Variants in MDFIC observed in about 807,000 individuals in gnomAD.
MDFIC encodes MyoD family inhibitor domain containing, also known as myoD family inhibitor domain-containing protein.
Under a neutral mutation model 23.2 loss-of-function variants are expected in MDFIC, and 17 were observed. That is an observed-to-expected ratio of 0.73 (90% CI 0.50 to 1.10). The LOEUF is 1.10. MDFIC is among the 50% of genes least tolerant of loss of function. The pLI is 0.00. For missense variants in MDFIC, 356 were observed against 316.6 expected, an observed-to-expected ratio of 1.12 and a Z score of -0.95; for synonymous variants, 120 against 115.2, an observed-to-expected ratio of 1.04 and a Z score of -0.27.
chr7:115,003,280 C>T (rs1360551563), intron 4 of MDFIC, among the ~76,000 whole-genome samples: 3 of 152,178 alleles, frequency 2.0e-5, no homozygotes, highest in Non-Finnish European at 4.4e-5. Flanking sequence ...ATGACAGTTT[C>T]AGCCACCTTT....
chr7:114,956,891 C>G (rs1792894714), intron 3 of MDFIC, among the ~76,000 whole-genome samples: 1 of 152,154 alleles, frequency 6.6e-6, no homozygotes, highest in Non-Finnish European at 1.5e-5. Flanking sequence ...AAAGTGGTTT[C>G]TTACAGTTAT....
At chr7:114,928,313 A>G (rs1019869167) in intron 2 of MDFIC, among the ~76,000 whole-genome samples, 1 of 152,180 alleles carries the variant, frequency 6.6e-6, no homozygotes, top group Non-Finnish European at 1.5e-5. Context: ...CTGTGAAAAA[A>G]AAAAGGTCTA....
intron 2 of MDFIC, among the ~76,000 whole-genome samples, chr7:114,924,470 A>T (rs1244778664): frequency 2.0e-5 from 3 of 152,204 alleles, no homozygotes; most frequent in African/African-American, 4.8e-5. Context: ...AATAGTTTGC[A>T]TTTCTAAAAT....
chr7:114,963,949 C>T (rs1793042678), intron 3 of MDFIC, among the ~76,000 whole-genome samples: 1 of 152,116 alleles, frequency 6.6e-6, no homozygotes, highest in South Asian at 2.1e-4. Context: ...GTGTCTGGTA[C>T]TTTCTAGATA....
intron 4 of MDFIC, among the ~76,000 whole-genome samples, chr7:114,992,034 G>A (rs868259775): frequency 6.6e-6 from 1 of 152,114 alleles, no homozygotes; most frequent in Non-Finnish European, 1.5e-5. Context: ...GTTGAGCAGT[G>A]GTTTGTAGTT....
intron 3 of MDFIC, among the ~76,000 whole-genome samples, chr7:114,976,717 T>A (rs372108771): frequency 2.0e-5 from 3 of 152,260 alleles, no homozygotes; most frequent in African/African-American, 4.8e-5. Flanking sequence ...AAAAAATCCA[T>A]CATTTTTCTT....
intron 1 of MDFIC, 87 bp from the exon 2 acceptor site, chr7:114,922,840 A>G (rs1792112295): frequency 2.1e-6 from 3 of 1,416,064 alleles, no homozygotes; most frequent in African/African-American, 3.0e-5. Context: ...GAGGGAGGGA[A>G]GTGGAGGGGG....
At chr7:114,994,681 A>G (rs911159341) in intron 4 of MDFIC, among the ~76,000 whole-genome samples, 3 of 151,874 alleles carry the variant, frequency 2.0e-5, no homozygotes, top group African/African-American at 7.3e-5. Flanking sequence ...ATTGCCCCCC[A>G]CTCTCTTCTG....
chr7:114,952,227 C>A (rs976765355), intron 3 of MDFIC, among the ~76,000 whole-genome samples: 1 of 152,180 alleles, frequency 6.6e-6, no homozygotes, highest in Admixed American at 6.5e-5. Context: ...CTATGTGAAA[C>A]AATCGCCATG....
At chr7:115,015,077 G>A (rs1203968087) in intron 4 of MDFIC, among the ~76,000 whole-genome samples, 1 of 152,044 alleles carries the variant, frequency 6.6e-6, no homozygotes, top group Non-Finnish European at 1.5e-5. Context: ...AATGATAGTT[G>A]GACCCAACCA....
chr7:114,991,636 G>A (rs867926143), intron 4 of MDFIC, among the ~76,000 whole-genome samples: 62 of 152,104 alleles, frequency 4.1e-4, no homozygotes, highest in African/African-American at 1.4e-3. Flanking sequence ...TTTTTGTCAG[G>A]TTTGTCAAAG....
chr7:114,972,284 T>A (rs928051423), intron 3 of MDFIC, among the ~76,000 whole-genome samples: 14 of 152,286 alleles, frequency 9.2e-5, no homozygotes, highest in African/African-American at 3.4e-4. Flanking sequence ...TGAGGAAAGC[T>A]GTTAGCAGTT....
intron 4 of MDFIC, among the ~76,000 whole-genome samples, chr7:115,013,717 G>A (rs1377283270): frequency 1.3e-5 from 2 of 152,154 alleles, no homozygotes; most frequent in Non-Finnish European, 2.9e-5. Flanking sequence ...AAATCATGAC[G>A]ATAATGTAAT....
chr7:114,974,919 T>C (rs567137263), intron 3 of MDFIC, among the ~76,000 whole-genome samples: 1 of 152,048 alleles, frequency 6.6e-6, no homozygotes, highest in Admixed American at 6.6e-5. Flanking sequence ...GTGTCAGCAA[T>C]GTTTTTTTTT....
Position 115,015,960 on chromosome 7 carries a change from A to G in MDFIC, c.*25A>G. ...AATATTTATCTTTTGTTTGTGTTAA[A>G]ACTGGAGAGTGTTTAAAAATTTCCT... On this transcript the variant is annotated 3_prime_UTR_variant, in exon 5 of 5. Coordinates refer to ENST00000393486, the MANE Select transcript of MDFIC (RefSeq NM_001166345.3). 9 of 1,595,302 alleles carry G rather than the reference A, an allele frequency of 5.6e-6. No individual in the cohort carries two copies. The highest frequency in any genetic ancestry group is 7.7e-6 in the Non-Finnish European group (9 of 1,170,468).
At position 114,979,588 on chromosome 7, in the gene MDFIC, C is replaced by T. The variant is rs1244074012; in HGVS notation, c.300C>T (p.His100=). ...GEEIGKIKNG[H]TGLSNGNGIH... ...AAATAGGCAAGATAAAGAACGGCCACACAGGTCTGAGCAATGGAAATGGAA... is the reference window on the plus strand; with the variant it reads ...AAATAGGCAAGATAAAGAACGGCCATACAGGTCTGAGCAATGGAAATGGAA... The change falls in exon 4 of 5, where the codon CAC becomes CAT. Residue 100 remains histidine (H), a synonymous_variant. Transcript: ENST00000393486. The T allele has an allele frequency of 1.9e-6, 3 of 1,613,954 alleles. No homozygotes were observed. The highest frequency in any genetic ancestry group is 8.5e-7 in the Non-Finnish European group (1 of 1,179,996).
At chr7:114,962,782 T>C (rs1443432765) in intron 3 of MDFIC, among the ~76,000 whole-genome samples, 1 of 152,214 alleles carries the variant, frequency 6.6e-6, no homozygotes, top group East Asian at 1.9e-4. Flanking sequence ...ATCAGAGTGA[T>C]AGTGTCATTT....
chr7:115,008,518 T>A (rs1428286945), intron 4 of MDFIC, among the ~76,000 whole-genome samples: 1 of 152,202 alleles, frequency 6.6e-6, no homozygotes, highest in Non-Finnish European at 1.5e-5. Flanking sequence ...GGGAGAGTCT[T>A]GTGCCAGAGC....
chr7:114,967,018 T>C (rs914379885), intron 3 of MDFIC, among the ~76,000 whole-genome samples: 1 of 152,220 alleles, frequency 6.6e-6, no homozygotes, highest in Non-Finnish European at 1.5e-5. Flanking sequence ...TGTAAAAAGT[T>C]CAAATTTTAA....
Sources: gnomAD v4.1 joint callset for allele counts (sites outside exome capture counted in the v4.1 genomes callset) on GRCh38, gnomAD v4.1.1 for gene constraint, MANE v1.5 for transcripts, NCBI Gene and HGNC (gene_info 2026-07-23, HGNC 2026-07-21) for gene names.